RANBP17: variants seen among roughly 807,000 people sequenced by gnomAD.
The protein encoded by RANBP17 is ran-binding protein 17.
A neutral mutation model predicts 141.2 loss-of-function variants in RANBP17; 158 were observed. That is an observed-to-expected ratio of 1.12 (90% CI 0.98 to 1.28). The LOEUF (loss-of-function observed/expected upper bound fraction) is 1.28, where lower values mean the gene tolerates loss of function less well. RANBP17 is among the 50% of genes most tolerant of loss of function. RANBP17 has a pLI of 0.00. For missense variants in RANBP17, 1,438 were observed against 1,290.7 expected (o/e 1.11, Z -1.75); for synonymous variants, 430 against 450.0 (o/e 0.96, Z 0.56).
At chr5:171,247,257 A>C (rs1765263311) in intron 24 of RANBP17, among the ~76,000 whole-genome samples, 1 of 152,160 alleles carries the variant, frequency 6.6e-6, no homozygotes, top group Admixed American at 6.5e-5. Flanking sequence ...TTTTCTTTGT[A>C]CATATTGGTG....
chr5:170,950,381 A>G (rs796820454), intron 12 of RANBP17, among the ~76,000 whole-genome samples: 1 of 151,902 alleles, frequency 6.6e-6, no homozygotes, highest in Non-Finnish European at 1.5e-5. Context: ...AGTAAAAAAA[A>G]CAAAAACAAA....
intron 14 of RANBP17, among the ~76,000 whole-genome samples, chr5:171,166,135 TA>T (rs377588326): frequency 2.8e-4 from 43 of 152,220 alleles, no homozygotes; most frequent in African/African-American, 1.0e-3. Flanking sequence ...TCAGGGAGCT[TA>T]CAGTCTATTA....
intron 25 of RANBP17, among the ~76,000 whole-genome samples, chr5:171,271,979 G>T (rs990730658): frequency 1.4e-4 from 22 of 152,078 alleles, no homozygotes; most frequent in Admixed American, 1.1e-3. Flanking sequence ...AGAAAATGTG[G>T]TACATATATA....
intron 14 of RANBP17, among the ~76,000 whole-genome samples, chr5:171,008,853 C>T (rs1438256346): frequency 6.6e-6 from 1 of 152,088 alleles, no homozygotes; most frequent in Non-Finnish European, 1.5e-5. Context: ...GACATACTGA[C>T]CTTATGTTTT....
intron 14 of RANBP17, among the ~76,000 whole-genome samples, chr5:171,073,698 C>T (rs1203979046): frequency 6.6e-6 from 1 of 152,058 alleles, no homozygotes; most frequent in African/African-American, 2.4e-5. Context: ...CAGCGTCTAC[C>T]CTAATCTTGG....
chr5:170,960,660 C>T (rs898906669), intron 13 of RANBP17, among the ~76,000 whole-genome samples: 6 of 152,180 alleles, frequency 3.9e-5, no homozygotes, highest in Non-Finnish European at 8.8e-5. Context: ...AGTTTTTAAA[C>T]GGACTTCTTG....
chr5:170,930,725 A>G (rs1773302067), intron 12 of RANBP17, among the ~76,000 whole-genome samples: 1 of 152,230 alleles, frequency 6.6e-6, no homozygotes, highest in Middle Eastern at 3.4e-3. Context: ...CCATGTCCCT[A>G]TAAAGGACAT....
At chr5:170,972,221 G>C (rs1015836530) in intron 14 of RANBP17, among the ~76,000 whole-genome samples, 2 of 124,334 alleles carry the variant, frequency 1.6e-5, no homozygotes, top group African/African-American at 6.3e-5. Context: ...CGCTCTTGCT[G>C]TCCAGGCTGG....
At chr5:171,050,620 T>A (rs1244173419) in intron 14 of RANBP17, among the ~76,000 whole-genome samples, 1 of 152,178 alleles carries the variant, frequency 6.6e-6, no homozygotes, top group African/African-American at 2.4e-5. Flanking sequence ...GGCAGAAGGA[T>A]GGCTTGATTG....
At chr5:171,030,136 C>A (rs1380924254) in intron 14 of RANBP17, among the ~76,000 whole-genome samples, 1 of 152,032 alleles carries the variant, frequency 6.6e-6, no homozygotes, top group Non-Finnish European at 1.5e-5. Flanking sequence ...GAGAGATTGT[C>A]TTCCTCTGAA....
At chr5:170,955,615 G>A (rs1293854570) in intron 13 of RANBP17, among the ~76,000 whole-genome samples, 1 of 21,232 alleles carries the variant, frequency 4.7e-5, no homozygotes, top group Non-Finnish European at 9.0e-5. Flanking sequence ...TATATGCTCA[G>A]TGTATATATA....
intron 14 of RANBP17, among the ~76,000 whole-genome samples, chr5:171,152,710 A>G (rs767562399): frequency 6.6e-6 from 1 of 152,124 alleles, no homozygotes. Flanking sequence ...CCACACTCAT[A>G]CAAACTCATA....
chr5:171,261,081 C>A (rs367660200), intron 24 of RANBP17, among the ~76,000 whole-genome samples: 2 of 56,444 alleles, frequency 3.5e-5, no homozygotes, highest in African/African-American at 8.0e-5. Context: ...CTTCACCCCC[C>A]ACCCCCCCCA....
rs527513632 is a variant in RANBP17, at chr5:170,919,525, A to G, written c.1186A>G (p.Thr396Ala). 1.4e-5 allele frequency: 23 copies of G among 1,612,206 alleles called. No individual in the cohort carries two copies. Among genetic ancestry groups the G allele is most frequent in the South Asian group, 5.5e-5 (5 of 90,846 alleles). ...MVASVPFVKS[T>A]EPHLLDTYAP... The stretch of plus-strand genomic sequence containing the variant: ...AGCATCTGTTCCTTTTGTGAAATCA[A>G]CTGAACCCCACCTATTAGACACTTA... The change falls in exon 11 of 28, where the codon ACT (threonine) becomes GCT (alanine). Residue 396 changes from threonine to alanine, a missense_variant. Physicochemically the swap from Thr to Ala is moderately conservative, Grantham distance 58 (BLOSUM62 0). Coordinates refer to ENST00000523189, the MANE Select transcript of RANBP17 (RefSeq NM_022897.5).
intron 16 of RANBP17, among the ~76,000 whole-genome samples, chr5:171,177,840 A>G (rs901811586): frequency 5.3e-5 from 8 of 152,158 alleles, no homozygotes; most frequent in Non-Finnish European, 1.0e-4. Flanking sequence ...GTAAATTATT[A>G]GAGATTAAGA....
chr5:170,877,100 A>G (rs1768244626), intron 1 of RANBP17, among the ~76,000 whole-genome samples: 1 of 152,108 alleles, frequency 6.6e-6, no homozygotes, highest in Admixed American at 6.5e-5. Context: ...TCATCAAGAT[A>G]GGATGATGAA....
intron 14 of RANBP17, among the ~76,000 whole-genome samples, chr5:170,988,218 ACTC>A (rs891580220): frequency 2.6e-5 from 4 of 151,338 alleles, no homozygotes; most frequent in Admixed American, 6.6e-5. Flanking sequence ...ACAAAGTAAA[ACTC>A]CACGTGCATT....
chr5:171,090,822 A>G (rs907697265), intron 14 of RANBP17, among the ~76,000 whole-genome samples: 3 of 152,216 alleles, frequency 2.0e-5, no homozygotes, highest in Non-Finnish European at 4.4e-5. Context: ...CGACTTCCAC[A>G]TAGTGTTGAG....
intron 14 of RANBP17, among the ~76,000 whole-genome samples, chr5:171,002,686 T>A (rs1044923423): frequency 6.6e-6 from 1 of 152,136 alleles, no homozygotes; most frequent in African/African-American, 2.4e-5. Context: ...AATGGTAGCC[T>A]CAGTGATAGA....
Sources: gnomAD v4.1 joint callset for allele counts (sites outside exome capture counted in the v4.1 genomes callset) on GRCh38, gnomAD v4.1.1 for gene constraint, MANE v1.5 for transcripts, NCBI Gene and HGNC (gene_info 2026-07-23, HGNC 2026-07-21) for gene names.